NEDD1: variants seen among roughly 807,000 people sequenced by gnomAD.
NEDD1 encodes protein NEDD1.
NEDD1 carries 33 observed loss-of-function variants against 74.0 expected under a neutral mutation model. The observed-to-expected ratio is 0.45, with a 90% CI of 0.34 to 0.60. The LOEUF is 0.60. NEDD1 is among the 20% of genes least tolerant of loss of function. The probability of loss-of-function intolerance (pLI) is 0.01; values close to 1 mark genes in which losing one functional copy is unlikely to be tolerated. For missense variants in NEDD1, 746 were observed against 776.5 expected (o/e 0.96, Z 0.47); for synonymous variants, 250 against 264.4 (o/e 0.95, Z 0.53).
intron 14 of NEDD1, among the ~76,000 whole-genome samples, chr12:96,947,742 C>G (rs1392043735): frequency 6.6e-6 from 1 of 152,194 alleles, no homozygotes; most frequent in Non-Finnish European, 1.5e-5. Context: ...TTGTTTTTCA[C>G]TATCTAACCT....
chr12:96,936,993 C>A (rs1592914406), intron 8 of NEDD1, among the ~76,000 whole-genome samples, 181 bp downstream of exon 8: 1 of 146,704 alleles, frequency 6.8e-6, no homozygotes, highest in African/African-American at 2.5e-5. Flanking sequence ...AACTTTTTTT[C>A]TTTTTTTTTT....
At chr12:96,919,709 T>C (rs1056079251) in intron 5 of NEDD1, among the ~76,000 whole-genome samples, 1 of 152,212 alleles carries the variant, frequency 6.6e-6, no homozygotes, top group African/African-American at 2.4e-5. Context: ...AAACTCAAAA[T>C]AGTCAACTTG....
chr12:96,946,128 G>A (rs1878174377), intron 14 of NEDD1, among the ~76,000 whole-genome samples: 1 of 152,044 alleles, frequency 6.6e-6, no homozygotes, highest in African/African-American at 2.4e-5. Flanking sequence ...TTAAAATGTG[G>A]ACAAGTTCTG....
At chr12:96,929,783 G>T (rs920368148) in intron 6 of NEDD1, among the ~76,000 whole-genome samples, 1 of 144,452 alleles carries the variant, frequency 6.9e-6, no homozygotes, top group Non-Finnish European at 1.5e-5. Flanking sequence ...ACACACTTTG[G>T]CTGGTCAGTT....
chr12:96,931,124 C>G (rs750670674), intron 6 of NEDD1, among the ~76,000 whole-genome samples: 1 of 152,076 alleles, frequency 6.6e-6, no homozygotes, highest in Non-Finnish European at 1.5e-5. Context: ...CAAAGGAACA[C>G]TATATTTATG....
chr12:96,945,913 C>T, intron 14 of NEDD1, 64 bp downstream of exon 14: 2 of 975,486 alleles, frequency 2.1e-6, no homozygotes, highest in Non-Finnish European at 3.2e-6. Flanking sequence ...GATGTAAAAC[C>T]AGAACTATAG....
intron 4 of NEDD1, among the ~76,000 whole-genome samples, chr12:96,914,433 A>G (rs1222081927): frequency 6.6e-6 from 1 of 152,210 alleles, no homozygotes; most frequent in Non-Finnish European, 1.5e-5. Flanking sequence ...CCTCTTTCCC[A>G]TAGTTAACAA....
At chr12:96,919,471 C>CT (rs1236867056) in intron 5 of NEDD1, among the ~76,000 whole-genome samples, 1 of 152,194 alleles carries the variant, frequency 6.6e-6, no homozygotes, top group Non-Finnish European at 1.5e-5. Flanking sequence ...TTTCTGTTAT[C>CT]TCACAGATGC....
intron 3 of NEDD1, among the ~76,000 whole-genome samples, chr12:96,910,950 A>G (rs1486528575): frequency 1.3e-5 from 2 of 152,222 alleles, no homozygotes; most frequent in Non-Finnish European, 2.9e-5. Flanking sequence ...AAATATTAAA[A>G]GTTTTATATG....
rs1232382079 is a variant in NEDD1, at chr12:96,944,792, C to G, written c.1651C>G (p.Pro551Ala). ...ACCCCCAATCAATGGATCCTCAACT[C>G]CAAGTAAGTACATGAAACTTCCTGA... ...CEPPINGSST[P>A]NPKIASSVTA... The change falls in exon 13 of 16, where the codon CCA (proline) becomes GCA (alanine). Residue 551 changes from proline (P) to alanine (A), a missense_variant. Pro to Ala is a conservative substitution (Grantham distance 27). Coordinates refer to ENST00000266742, the MANE Select transcript of NEDD1 (RefSeq NM_152905.4). 9 of 1,543,008 alleles carry G rather than the reference C, an allele frequency of 5.8e-6. No homozygotes were observed. In the East Asian group the frequency reaches 1.7e-4, roughly 28 times the overall value.
At chr12:96,944,844 C>T in intron 13 of NEDD1, 49 bp downstream of exon 13, 1 of 1,325,734 alleles carries the variant, frequency 7.5e-7, no homozygotes, top group Non-Finnish European at 1.0e-6. Context: ...ATTGAAAAAT[C>T]ATCCCCATTA....
At chr12:96,934,843 C>T in intron 6 of NEDD1, 133 bp from the exon 7 acceptor site, 1 of 651,482 alleles carries the variant, frequency 1.5e-6, no homozygotes, top group East Asian at 2.7e-5. Context: ...TGGCTGAAAC[C>T]TGTCACTCTT....
chr12:96,916,476 A>T (rs924475821), intron 4 of NEDD1, among the ~76,000 whole-genome samples: 1 of 124,268 alleles, frequency 8.0e-6, no homozygotes, highest in Non-Finnish European at 1.6e-5. Flanking sequence ...TCATTGTTCA[A>T]TTCCCACCTA....
intron 12 of NEDD1, 49 bp from the exon 13 acceptor site, chr12:96,944,590 T>C (rs1237665125): frequency 2.5e-6 from 3 of 1,195,054 alleles, no homozygotes; most frequent in Admixed American, 2.5e-5. Flanking sequence ...ATGGGTAATA[T>C]GAGTAAAAAA....
rs149443078 is a variant in NEDD1 at position 96,939,651 on chromosome 12, T to A, written c.1118-758T>A. 1.1e-3 allele frequency among the ~76,000 whole-genome samples: 161 copies of A among 152,158 alleles called. 1 individual carries two copies. The highest frequency in any genetic ancestry group is 3.7e-3 in the African/African-American group (154 of 41,558). ...ATCAAAATTTTTGAACCTCTAAAAC[T>A]GTCGTTACTCCAGTAATGAAACAGA... On this transcript the variant is annotated intron_variant, in intron 9 of 15. Transcript: ENST00000266742.
At chr12:96,919,909 G>A (rs1454943414) in intron 5 of NEDD1, 76 bp from the exon 6 acceptor site, 3 of 863,164 alleles carry the variant, frequency 3.5e-6, no homozygotes, top group Non-Finnish European at 5.5e-6. Flanking sequence ...CATAATGTAT[G>A]GTATTTACAG....
Position 96,951,594 on chromosome 12 carries a change from G to C in NEDD1, c.1878+96G>C, listed in dbSNP as rs148453961. 32 of 654,298 alleles carry C rather than the reference G, an allele frequency of 4.9e-5. No individual in the cohort carries two copies. The African/African-American group carries it at 5.8e-4, about 12-fold the overall frequency. 40.5% of individuals were successfully genotyped at this position (654,298 alleles called of 1,614,324 possible). A position where few individuals can be genotyped will look rare whatever the true frequency, so the allele number is the denominator to read the frequency against. On this transcript the variant is annotated intron_variant, in intron 15 of 15. Coordinates refer to ENST00000266742, the MANE Select transcript of NEDD1 (RefSeq NM_152905.4). ...AAAGGTAATATATTTTAGTTGTTTTGTTTAGTTTCTAAGATAAATAGGGAG... is the reference window on the plus strand; with the variant it reads ...AAAGGTAATATATTTTAGTTGTTTTCTTTAGTTTCTAAGATAAATAGGGAG...
intron 6 of NEDD1, among the ~76,000 whole-genome samples, chr12:96,921,940 G>A (rs1875147695): frequency 6.6e-6 from 1 of 152,112 alleles, no homozygotes; most frequent in Admixed American, 6.6e-5. Flanking sequence ...TTACATGGAG[G>A]AAATCACATT....
chr12:96,915,395 A>T (rs1378690074), intron 4 of NEDD1, among the ~76,000 whole-genome samples: 2 of 152,176 alleles, frequency 1.3e-5, no homozygotes, highest in African/African-American at 4.8e-5. Flanking sequence ...AGGGGATCAT[A>T]TGCACCCTTT....
Sources: gnomAD v4.1 joint callset for allele counts (sites outside exome capture counted in the v4.1 genomes callset) on GRCh38, gnomAD v4.1.1 for gene constraint, MANE v1.5 for transcripts, NCBI Gene and HGNC (gene_info 2026-07-23, HGNC 2026-07-21) for gene names.